The following GLRA1 variants were observed in gnomAD, a reference collection of about 807,000 sequenced individuals.
GLRA1 encodes glycine receptor subunit alpha-1.
A neutral mutation model predicts 48.3 loss-of-function variants in GLRA1; 37 were observed. The observed-to-expected ratio is 0.77, with a 90% CI of 0.59 to 1.01. The LOEUF (loss-of-function observed/expected upper bound fraction) is 1.01, where lower values mean the gene tolerates loss of function less well. GLRA1 is among the 50% of genes least tolerant of loss of function. GLRA1 has a pLI of 0.00. For missense variants in GLRA1, 427 were observed against 571.0 expected, an observed-to-expected ratio of 0.75 and a Z score of 2.57; for synonymous variants, 196 against 210.7, an observed-to-expected ratio of 0.93 and a Z score of 0.60.
chr5:151,855,038 A>G lies in GLRA1; in HGVS notation c.697+2T>C. The G allele has an allele frequency of 6.2e-7, 1 of 1,614,040 alleles. No individual in the cohort carries two copies. The highest frequency in any genetic ancestry group is 8.5e-7 in the Non-Finnish European group (1 of 1,179,986). On this transcript the variant is annotated splice_donor_variant, in intron 6 of 8. Coordinates refer to ENST00000274576, the MANE Select transcript of GLRA1 (RefSeq NM_000171.4). LOFTEE classifies it high-confidence loss of function. ...TCTGAGGAGGGTGGCCCTTGTACCT[A>G]CCTGTGTTGTAGTGCTTGGTGCAGT...
intron 1 of GLRA1, among the ~76,000 whole-genome samples, chr5:151,910,618 C>T (rs2113451231): frequency 6.6e-6 from 1 of 152,332 alleles, no homozygotes; most frequent in East Asian, 1.9e-4. Context: ...ATGATACTAA[C>T]TGGCTGTGTG....
intron 3 of GLRA1, among the ~76,000 whole-genome samples, chr5:151,870,693 T>G (rs1477996465): frequency 1.3e-5 from 2 of 149,662 alleles, no homozygotes; most frequent in African/African-American, 5.1e-5. Flanking sequence ...ATCACTATAT[T>G]TGTGGAAACA....
chr5:151,916,021 C>A (rs2113459733), intron 1 of GLRA1, among the ~76,000 whole-genome samples: 1 of 152,262 alleles, frequency 6.6e-6, no homozygotes, highest in East Asian at 1.9e-4. Context: ...GGTTATTAGA[C>A]TGAAAGCTGT....
At chr5:151,908,023 G>A (rs114534510) in intron 1 of GLRA1, among the ~76,000 whole-genome samples, 2,027 of 152,322 alleles carry the variant, frequency 0.013, 20 homozygotes, top group Non-Finnish European at 0.018. Flanking sequence ...AGATGTGGAT[G>A]AGGAAAAGGA....
chr5:151,850,029 G>A, intron 7 of GLRA1: 2 of 1,603,690 alleles, frequency 1.2e-6, no homozygotes, highest in Non-Finnish European at 1.7e-6. Flanking sequence ...ACACTTGTAA[G>A]TGGATAATGG....
At chr5:151,831,001 G>A (rs986315102) in intron 7 of GLRA1, among the ~76,000 whole-genome samples, 7 of 152,214 alleles carry the variant, frequency 4.6e-5, no homozygotes, top group Admixed American at 3.9e-4. Flanking sequence ...CAGAAGGTGA[G>A]CTGAAGCAGA....
rs1399832069 is a variant in GLRA1, at chr5:151,878,927, T to A, written c.252+7794A>T. Among the ~76,000 whole-genome samples, 9 of 152,060 alleles carry A rather than the reference T, an allele frequency of 5.9e-5. No homozygotes were observed. The East Asian group carries it at 1.4e-3, about 23-fold the overall frequency. ...GTGGGGTTGAAGCCCCCACACAGAG[T>A]CCCTACTTGGGCACCTCCTAGTGGA... is the stretch of plus-strand genomic sequence containing the variant. On this transcript the variant is annotated intron_variant, in intron 3 of 8. Transcript: ENST00000274576.
At chr5:151,906,464 C>A (rs571231600) in intron 1 of GLRA1, among the ~76,000 whole-genome samples, 94 of 152,196 alleles carry the variant, frequency 6.2e-4, no homozygotes, top group African/African-American at 2.2e-3. Flanking sequence ...CATTAACAGG[C>A]TGGAGCAGGT....
chr5:151,832,980 C>G (rs954739431), intron 7 of GLRA1, among the ~76,000 whole-genome samples: 30 of 152,272 alleles, frequency 2.0e-4, no homozygotes, highest in African/African-American at 7.0e-4. Flanking sequence ...CCAGAAGAGA[C>G]TGGGGGCCAA....
intron 3 of GLRA1, among the ~76,000 whole-genome samples, chr5:151,882,058 T>C (rs1255355101): frequency 6.6e-6 from 1 of 152,170 alleles, no homozygotes; most frequent in Non-Finnish European, 1.5e-5. Flanking sequence ...GCTGTGTGTG[T>C]GTGTGTCCAT....
At chr5:151,829,738 A>G (rs965279278) in intron 7 of GLRA1, among the ~76,000 whole-genome samples, 1 of 152,216 alleles carries the variant, frequency 6.6e-6, no homozygotes, top group African/African-American at 2.4e-5. Context: ...CCTCAAAAAG[A>G]AATGTTACCT....
chr5:151,861,807 C>T (rs868136348), intron 3 of GLRA1, among the ~76,000 whole-genome samples: 8 of 152,182 alleles, frequency 5.3e-5, no homozygotes, highest in Non-Finnish European at 8.8e-5. Flanking sequence ...AAGAACATTC[C>T]GTGCTCATGG....
chr5:151,853,836 G>A (rs568528725), intron 6 of GLRA1, among the ~76,000 whole-genome samples: 10 of 151,946 alleles, frequency 6.6e-5, no homozygotes, highest in Non-Finnish European at 1.5e-4. Context: ...TATCATTTTA[G>A]CTTAATCTTA....
At chr5:151,860,891 G>A (rs533581156) in intron 3 of GLRA1, among the ~76,000 whole-genome samples, 7 of 152,098 alleles carry the variant, frequency 4.6e-5, no homozygotes, top group African/African-American at 1.7e-4. Context: ...CTCACCCCAC[G>A]ACAGGCCCTG....
At chr5:151,913,532 T>C (rs1397269190) in intron 1 of GLRA1, among the ~76,000 whole-genome samples, 1 of 152,196 alleles carries the variant, frequency 6.6e-6, no homozygotes, top group East Asian at 1.9e-4. Context: ...TTTCGTATTA[T>C]GTTAAAACCT....
intron 1 of GLRA1, 121 bp downstream of exon 1, chr5:151,924,373 C>T: frequency 2.6e-6 from 2 of 773,168 alleles, no homozygotes; most frequent in East Asian, 2.5e-5. Flanking sequence ...TGGAAGGACC[C>T]GATTGCAGTG....
At chr5:151,920,263 T>C (rs1754841848) in intron 1 of GLRA1, among the ~76,000 whole-genome samples, 1 of 152,162 alleles carries the variant, frequency 6.6e-6, no homozygotes, top group African/African-American at 2.4e-5. Flanking sequence ...ATTCAGTCAT[T>C]TGAGTTGATT....
intron 2 of GLRA1, among the ~76,000 whole-genome samples, chr5:151,889,522 T>C (rs1181886825): frequency 6.6e-6 from 1 of 152,212 alleles, no homozygotes; most frequent in African/African-American, 2.4e-5. Flanking sequence ...TACCTCACAG[T>C]TTCTTTGCCA....
Position 151,851,755 on chromosome 5 carries a change from A to G in GLRA1, c.698-151T>C, listed in dbSNP as rs902920465. On this transcript the variant is annotated intron_variant, in intron 6 of 8. Transcript: ENST00000274576. ...TGAATTGTTCTGTATCTGTTTCCTT[A>G]TGTATAGTAAACTGGGGATAATAAC... is the stretch of plus-strand genomic sequence containing the variant. 6.4e-5 allele frequency: 43 copies of G among 672,948 alleles called. No individual in the cohort carries two copies. The African/African-American group carries it at 7.1e-4, about 11-fold the overall frequency. 41.7% of individuals were successfully genotyped at this position (672,948 alleles called of 1,614,324 possible).
Sources: gnomAD v4.1 joint callset for allele counts (sites outside exome capture counted in the v4.1 genomes callset) on GRCh38, gnomAD v4.1.1 for gene constraint, MANE v1.5 for transcripts, NCBI Gene and HGNC (gene_info 2026-07-23, HGNC 2026-07-21) for gene names.